ACOT12: variants seen among roughly 807,000 people sequenced by gnomAD.
The protein encoded by ACOT12 is acyl-CoA thioesterase 12.
In ACOT12, 51 loss-of-function variants were observed where a neutral mutation model predicts 67.7. The observed-to-expected ratio is 0.75, with a 90% CI of 0.60 to 0.95. The LOEUF is 0.95. Among genes scored for constraint, ACOT12 ranks in the 40% least tolerant of loss-of-function variants. The pLI, the probability that ACOT12 is intolerant of heterozygous loss-of-function variation, is 0.00. For synonymous variants in ACOT12, 251 were observed against 244.6 expected, an observed-to-expected ratio of 1.03 and a Z score of -0.24; for missense variants, 734 against 708.1, an observed-to-expected ratio of 1.04 and a Z score of -0.41.
Position 81,330,238 on chromosome 5 carries a change from G to A in ACOT12, c.*156C>T. The A allele has an allele frequency of 1.3e-6, 1 of 744,490 alleles. No individual in the cohort carries two copies. The highest frequency in any genetic ancestry group is 2.1e-6 in the Non-Finnish European group (1 of 484,570). The allele number at this position is 744,490 out of a possible 1,614,324, so 46.1% of individuals were successfully genotyped here. On this transcript the variant is annotated 3_prime_UTR_variant, in exon 15 of 15. Coordinates refer to ENST00000307624, the MANE Select transcript of ACOT12 (RefSeq NM_130767.3). Reference sequence around the variant, plus strand: ...ATGCTAATCCAAATCACTGGTATTTGACTTAAGATGCATTTTGTTTTTTAA... The same window carrying A: ...ATGCTAATCCAAATCACTGGTATTTAACTTAAGATGCATTTTGTTTTTTAA...
intron 11 of ACOT12, among the ~76,000 whole-genome samples, chr5:81,336,259 T>A (rs1403529903): frequency 2.0e-5 from 3 of 152,200 alleles, no homozygotes; most frequent in Non-Finnish European, 4.4e-5. Context: ...ATCACCAGAC[T>A]GCTAGGCAGG....
At chr5:81,387,821 A>T (rs1760770739) in intron 1 of ACOT12, among the ~76,000 whole-genome samples, 1 of 152,240 alleles carries the variant, frequency 6.6e-6, no homozygotes, top group African/African-American at 2.4e-5. Context: ...CTGGAATTAC[A>T]GGTGTGAGCC....
At chr5:81,356,026 T>C (rs1005608078) in intron 5 of ACOT12, among the ~76,000 whole-genome samples, 14 of 152,196 alleles carry the variant, frequency 9.2e-5, no homozygotes, top group Admixed American at 2.6e-4. Flanking sequence ...GTTGGGGCCA[T>C]GAGGCTCGCA....
intron 1 of ACOT12, among the ~76,000 whole-genome samples, chr5:81,390,392 A>C (rs760428865): frequency 5.3e-5 from 8 of 151,472 alleles, no homozygotes; most frequent in Non-Finnish European, 1.2e-4. Flanking sequence ...TGAGTTTGTT[A>C]TTTTAGACAC....
intron 2 of ACOT12, among the ~76,000 whole-genome samples, chr5:81,372,346 A>G (rs994331428): frequency 1.3e-5 from 2 of 152,186 alleles, no homozygotes; most frequent in Non-Finnish European, 2.9e-5. Context: ...TTTTGTATTC[A>G]GGCCCTTCAG....
chr5:81,317,472 A>AGGCTGGT, the ACOT12 span, among the ~76,000 whole-genome samples: 1 of 150,862 alleles, frequency 6.6e-6, no homozygotes, highest in African/African-American at 2.4e-5. Flanking sequence ...ACTGCACACC[A>AGGCTGGT]GCCTGGGCAA....
At chr5:81,368,705 A>G (rs1243130108) in intron 3 of ACOT12, among the ~76,000 whole-genome samples, 2 of 152,130 alleles carry the variant, frequency 1.3e-5, no homozygotes, top group Non-Finnish European at 2.9e-5. Flanking sequence ...TTTGAAAAAA[A>G]GAAAAGTTTA....
At chr5:81,343,725 C>G (rs531201334) in intron 10 of ACOT12, 93 bp downstream of exon 10, 3 of 1,245,432 alleles carry the variant, frequency 2.4e-6, no homozygotes, top group African/African-American at 3.0e-5. Context: ...ACATAGCCTG[C>G]GTAGGCACAG....
chr5:81,312,912 A>G, the ACOT12 span: 2 of 258,470 alleles, frequency 7.7e-6, no homozygotes, highest in Non-Finnish European at 1.5e-5. Flanking sequence ...TAAGAGACAG[A>G]ACTTAGACAT....
the ACOT12 span, among the ~76,000 whole-genome samples, chr5:81,314,093 T>C: frequency 6.6e-6 from 1 of 152,182 alleles, no homozygotes; most frequent in Non-Finnish European, 1.5e-5. Context: ...TTTGGATTAC[T>C]TTTTGTGTGT....
intron 11 of ACOT12, among the ~76,000 whole-genome samples, chr5:81,341,405 G>C (rs1386818061): frequency 6.6e-6 from 1 of 152,216 alleles, no homozygotes; most frequent in African/African-American, 2.4e-5. Context: ...AATTTACTTA[G>C]ATTTAAAGGT....
the ACOT12 span, among the ~76,000 whole-genome samples, chr5:81,323,269 G>A: frequency 6.6e-6 from 1 of 152,204 alleles, no homozygotes; most frequent in African/African-American, 2.4e-5. Flanking sequence ...GCTCATGCCC[G>A]TGGGTCAGAG....
intron 2 of ACOT12, among the ~76,000 whole-genome samples, chr5:81,374,722 A>G (rs1210178586): frequency 6.6e-6 from 1 of 152,228 alleles, no homozygotes; most frequent in Non-Finnish European, 1.5e-5. Context: ...TGAATCAATC[A>G]GGCAGAAGAA....
chr5:81,342,045 C>T (rs1229193780), intron 11 of ACOT12, among the ~76,000 whole-genome samples: 1 of 152,088 alleles, frequency 6.6e-6, no homozygotes, highest in Non-Finnish European at 1.5e-5. Context: ...GACTGGAATG[C>T]AATGATGCAA....
chr5:81,366,941 A>T (rs1043145144), intron 3 of ACOT12, among the ~76,000 whole-genome samples: 1 of 152,124 alleles, frequency 6.6e-6, no homozygotes, highest in Admixed American at 6.6e-5. Flanking sequence ...ATAAAGTCCA[A>T]AAGGAGAGAG....
the ACOT12 span, chr5:81,311,212 T>C: frequency 3.1e-6 from 5 of 1,614,058 alleles, no homozygotes; most frequent in South Asian, 5.5e-5. Context: ...TTTCAATAGG[T>C]GGCGGTTGCA....
the ACOT12 span, among the ~76,000 whole-genome samples, chr5:81,310,581 T>C: frequency 1.3e-5 from 2 of 152,190 alleles, no homozygotes; most frequent in African/African-American, 4.8e-5. Context: ...CATTAAGCAA[T>C]AGTGTTTGAT....
chr5:81,360,398 C>T (rs1034635562), intron 4 of ACOT12, among the ~76,000 whole-genome samples: 5 of 148,128 alleles, frequency 3.4e-5, no homozygotes, highest in Admixed American at 6.7e-5. Context: ...CCTATCTTTG[C>T]AAAATTAAGA....
chr5:81,362,077 A>G (rs1357213743), intron 4 of ACOT12, among the ~76,000 whole-genome samples: 2 of 152,154 alleles, frequency 1.3e-5, no homozygotes, highest in Non-Finnish European at 2.9e-5. Flanking sequence ...CAATTATGTT[A>G]GCACCATAAT....
Sources: gnomAD v4.1 joint callset for allele counts (sites outside exome capture counted in the v4.1 genomes callset) on GRCh38, gnomAD v4.1.1 for gene constraint, MANE v1.5 for transcripts, NCBI Gene and HGNC (gene_info 2026-07-23, HGNC 2026-07-21) for gene names.